Variants in CPPED1 observed in about 807,000 individuals in gnomAD.
CPPED1 encodes calcineurin like phosphoesterase domain containing 1.
CPPED1 carries 28 observed loss-of-function variants against 28.0 expected under a neutral mutation model. The observed-to-expected ratio is 1.00, with a 90% CI of 0.74 to 1.37. The LOEUF (loss-of-function observed/expected upper bound fraction) is 1.37. Among genes scored for constraint, CPPED1 ranks in the 40% most tolerant of loss-of-function variants. The pLI is 0.00. For missense variants in CPPED1, 504 were observed against 416.5 expected (o/e 1.21, Z -1.83); for synonymous variants, 198 against 180.2 (o/e 1.10, Z -0.79).
intron 2 of CPPED1, among the ~76,000 whole-genome samples, chr16:12,717,098 G>C (rs145503855): frequency 0.015 from 2,237 of 152,194 alleles, 25 homozygotes; most frequent in Middle Eastern, 0.034. Context: ...AGTAGGGTGA[G>C]GGTGGAGAGG....
chr16:12,774,528 ATC>A (rs2080486793), intron 2 of CPPED1, among the ~76,000 whole-genome samples: 1 of 152,130 alleles, frequency 6.6e-6, no homozygotes, highest in Non-Finnish European at 1.5e-5. Flanking sequence ...TGTCTTAGAA[ATC>A]TCTTTTATTA....
intron 2 of CPPED1, chr16:12,745,864 A>C (rs2080283561): frequency 6.6e-6 from 1 of 152,246 alleles, no homozygotes. Flanking sequence ...GATGAAAAAC[A>C]GAAGAAACAT....
intron 2 of CPPED1, among the ~76,000 whole-genome samples, chr16:12,716,308 C>T (rs2080106872): frequency 3.9e-5 from 6 of 152,210 alleles, no homozygotes; most frequent in Admixed American, 3.9e-4. Context: ...TTCCATTTAA[C>T]AAATTGCTTC....
chr16:12,801,070 A>C (rs766786757), intron 1 of CPPED1, among the ~76,000 whole-genome samples: 6 of 152,132 alleles, frequency 3.9e-5, no homozygotes, highest in Non-Finnish European at 8.8e-5. Flanking sequence ...TAGGAATATA[A>C]GAAATATTTA....
intron 2 of CPPED1, among the ~76,000 whole-genome samples, chr16:12,731,217 G>C (rs112486774): frequency 2.0e-5 from 3 of 150,128 alleles, no homozygotes; most frequent in South Asian, 4.2e-4. Flanking sequence ...GCAGTGGCGC[G>C]ATCTCGGCTC....
intron 1 of CPPED1, among the ~76,000 whole-genome samples, chr16:12,782,759 TA>T (rs2080540107): frequency 6.6e-6 from 1 of 151,980 alleles, no homozygotes; most frequent in East Asian, 1.9e-4. Flanking sequence ...TAATCCCAGC[TA>T]CTTGGGAGGC....
At chr16:12,755,275 T>C (rs967138651) in intron 2 of CPPED1, among the ~76,000 whole-genome samples, 1 of 130,978 alleles carries the variant, frequency 7.6e-6, no homozygotes, top group Non-Finnish European at 1.6e-5. Context: ...GCATACAGTA[T>C]GCATTCTTTT....
chr16:12,710,208 A>T (rs1483037717), intron 2 of CPPED1, among the ~76,000 whole-genome samples: 1 of 152,190 alleles, frequency 6.6e-6, no homozygotes, highest in African/African-American at 2.4e-5. Context: ...GTATTTCTAC[A>T]TCCTAACATA....
intron 2 of CPPED1, among the ~76,000 whole-genome samples, chr16:12,705,555 C>T (rs951836835): frequency 8.5e-5 from 13 of 152,090 alleles, no homozygotes; most frequent in East Asian, 3.9e-4. Flanking sequence ...GTCAGGAGTT[C>T]GAGACCAGCC....
At chr16:12,785,758 G>C (rs746605928) in intron 1 of CPPED1, among the ~76,000 whole-genome samples, 2 of 151,890 alleles carry the variant, frequency 1.3e-5, no homozygotes, top group Admixed American at 6.6e-5. Context: ...AACAATACTT[G>C]CATTAAAATT....
intron 2 of CPPED1, among the ~76,000 whole-genome samples, chr16:12,735,264 C>T (rs1450859974): frequency 1.3e-5 from 2 of 152,154 alleles, no homozygotes; most frequent in Non-Finnish European, 2.9e-5. Flanking sequence ...AAGTATTTTG[C>T]ACCAAGATCC....
chr16:12,708,812 G>A lies in CPPED1; in HGVS notation c.290-3763C>T, dbSNP rs112271942. On this transcript the variant is annotated intron_variant, in intron 2 of 3. Coordinates refer to ENST00000381774, the MANE Select transcript of CPPED1 (RefSeq NM_018340.3). Reference sequence around the variant, plus strand: ...AGTCCCATTGTGGCTGGGTGCAGTGGCTCATGCCTGTACTCCCAGGACTTT... The same window carrying A: ...AGTCCCATTGTGGCTGGGTGCAGTGACTCATGCCTGTACTCCCAGGACTTT... Among the ~76,000 whole-genome samples, 243 of 152,318 alleles carry A rather than the reference G, an allele frequency of 1.6e-3. 1 individual carries two copies. Among genetic ancestry groups the A allele is most frequent in the South Asian group, 4.8e-3 (23 of 4,830 alleles).
intron 1 of CPPED1, among the ~76,000 whole-genome samples, chr16:12,789,228 CCTGG>C (rs1288205723): frequency 6.6e-6 from 1 of 152,182 alleles, no homozygotes; most frequent in Non-Finnish European, 1.5e-5. Flanking sequence ...ACAGTCCCCA[CCTGG>C]CCCAATTTAC....
In CPPED1 at chr16:12,704,700, G is replaced by C. The variant is rs762127968; in HGVS notation, c.639C>G (p.Ile213Met). 6.2e-7 allele frequency: 1 copy of C among 1,614,182 alleles called. No homozygotes were observed. The change falls in exon 3 of 4, where the codon ATC becomes ATG. Residue 213 changes from isoleucine to methionine, a missense_variant. Transcript: ENST00000381774. ...TGAAGTAGTAGTCGTCGTCCTCGTC[G>C]ATGCTCTCCAGGAACAGCGGGATGT... is the stretch of plus-strand genomic sequence containing the variant. Reference protein sequence around the residue: ...FQHIPLFLESIDEDDDYYFNL... With the variant: ...FQHIPLFLESMDEDDDYYFNL...
chr16:12,754,385 C>T (rs558839919), intron 2 of CPPED1, among the ~76,000 whole-genome samples: 31 of 152,144 alleles, frequency 2.0e-4, no homozygotes, highest in East Asian at 1.9e-4. Context: ...CACACAGGGG[C>T]GCCTGTCTTT....
intron 1 of CPPED1, among the ~76,000 whole-genome samples, chr16:12,800,092 C>T (rs76302723): frequency 0.023 from 3,428 of 152,002 alleles, 87 homozygotes; most frequent in African/African-American, 0.064. Context: ...CCACCATCTC[C>T]ACTGAAAGAC....
chr16:12,673,221 A>G (rs556627717), intron 3 of CPPED1, among the ~76,000 whole-genome samples: 1 of 152,160 alleles, frequency 6.6e-6, no homozygotes, highest in South Asian at 2.1e-4. Flanking sequence ...TACAGACTGC[A>G]GGGGCGGTGG....
intron 3 of CPPED1, among the ~76,000 whole-genome samples, chr16:12,675,428 C>A (rs900459558): frequency 6.6e-6 from 1 of 152,118 alleles, no homozygotes; most frequent in African/African-American, 2.4e-5. Context: ...TGTTTTTTTT[C>A]TCCACGGTAT....
chr16:12,717,774 TG>T (rs926937998), intron 2 of CPPED1, among the ~76,000 whole-genome samples: 1 of 152,146 alleles, frequency 6.6e-6, no homozygotes, highest in Admixed American at 6.6e-5. Context: ...CCCAAGTAGC[TG>T]GGATTACAGG....
Sources: allele counts gnomAD v4.1 joint callset (sites outside exome capture counted in the v4.1 genomes callset), GRCh38; gene constraint gnomAD v4.1.1; transcripts MANE v1.5; gene names NCBI Gene and HGNC (gene_info 2026-07-23, HGNC 2026-07-21).